The following PMFBP1 variants were observed in gnomAD, a reference collection of about 807,000 sequenced individuals.
PMFBP1 encodes polyamine modulated factor 1 binding protein 1.
Under a neutral mutation model 137.8 loss-of-function variants are expected in PMFBP1, and 131 were observed. That is an observed-to-expected ratio of 0.95 (90% CI 0.82 to 1.10). The LOEUF is 1.10. Among genes scored for constraint, PMFBP1 ranks in the 50% least tolerant of loss-of-function variants. PMFBP1 has a pLI of 0.00. For synonymous variants in PMFBP1, 490 were observed against 450.4 expected (o/e 1.09, Z -1.11); for missense variants, 1,199 against 1,175.4 (o/e 1.02, Z -0.29).
chr16:72,156,470 A>C (rs1366364504), intron 3 of PMFBP1, among the ~76,000 whole-genome samples: 2 of 151,904 alleles, frequency 1.3e-5, no homozygotes, highest in African/African-American at 4.8e-5. Context: ...TACAAAAAAA[A>C]TTAGCCAGGC....
At chr16:72,121,497 G>C (rs1046055331) in intron 19 of PMFBP1, among the ~76,000 whole-genome samples, 1 of 152,220 alleles carries the variant, frequency 6.6e-6, no homozygotes, top group Non-Finnish European at 1.5e-5. Flanking sequence ...GCCTAGAATA[G>C]GGCTTTCCAC....
At position 72,140,445 on chromosome 16, in the gene PMFBP1, T is replaced by C; in HGVS notation, c.774A>G (p.Glu258=). ...KVSQQDDLIQ[E]LRNKLACSNA... is the part of the protein sequence containing the mutation. Reference sequence around the variant, plus strand: ...TACTGCAGGCCAGCTTATTTCGAAGTTCTTGAATGAGATCATCCTGTTGAG... The same window carrying C: ...TACTGCAGGCCAGCTTATTTCGAAGCTCTTGAATGAGATCATCCTGTTGAG... Residue 258 remains glutamate, a synonymous_variant, in exon 6 of 21, where the codon GAA becomes GAG. Coordinates refer to ENST00000237353, the MANE Select transcript of PMFBP1 (RefSeq NM_031293.3). The C allele has an allele frequency of 6.2e-7, 1 of 1,614,090 alleles. No homozygotes were observed. Among genetic ancestry groups the C allele is most frequent in the Non-Finnish European group, 8.5e-7 (1 of 1,179,942 alleles).
At position 72,123,575 on chromosome 16, in the gene PMFBP1, G is replaced by C. The variant is rs771216983; in HGVS notation, c.2664C>G (p.Thr888=). ...GCTGTTTTGCCCATTGCTCCAAGTT[G>C]GTCATAATCTGATCATTCCCTCGGT... ...RLYRGNDQIM[T]NLEQWAKQQK... Residue 888 remains threonine (T), a synonymous_variant, in exon 18 of 21, where the codon ACC becomes ACG. Coordinates refer to ENST00000237353, the MANE Select transcript of PMFBP1 (RefSeq NM_031293.3). 4 of 1,614,080 alleles carry C rather than the reference G, an allele frequency of 2.5e-6. No individual in the cohort carries two copies. Among genetic ancestry groups the C allele is most frequent in the Non-Finnish European group, 3.4e-6 (4 of 1,179,968 alleles).
At chr16:72,240,443 C>G in the PMFBP1 span, among the ~76,000 whole-genome samples, 1 of 152,244 alleles carries the variant, frequency 6.6e-6, no homozygotes, top group Non-Finnish European at 1.5e-5. Context: ...ATTCTGCCTT[C>G]TAATAGAATT....
At chr16:72,172,334 C>T (rs2043230049), upstream of PMFBP1, 1 of 151,658 alleles carries the variant, frequency 6.6e-6, no homozygotes, top group Non-Finnish European at 1.5e-5. Context: ...GTCTCAGTGG[C>T]TTACGACCGT....
rs1597463047 is a variant in PMFBP1 at position 72,130,067 on chromosome 16, C to T, written c.1782+146G>A. On this transcript the variant is annotated intron_variant, in intron 12 of 20. Transcript: ENST00000237353. Reference sequence around the variant, plus strand: ...GCAGGGTCTTGCTATGTTGCCTAGGCTGGTCTGGAACCCCTGGGCTCAAGT... The same window carrying T: ...GCAGGGTCTTGCTATGTTGCCTAGGTTGGTCTGGAACCCCTGGGCTCAAGT... 4.2e-6 allele frequency: 4 copies of T among 962,316 alleles called. No homozygotes were observed. The East Asian group carries it at 9.9e-5, about 24-fold the overall frequency. 59.6% of individuals were successfully genotyped at this position (962,316 alleles called of 1,614,324 possible). A position where few individuals can be genotyped will look rare whatever the true frequency, so the allele number is the denominator to read the frequency against.
the PMFBP1 span, among the ~76,000 whole-genome samples, chr16:72,198,014 C>T: frequency 2.0e-5 from 3 of 152,150 alleles, no homozygotes; most frequent in Non-Finnish European, 4.4e-5. Context: ...AATCATTCTT[C>T]GTTGGGGGCA....
At chr16:72,143,016 G>A (rs2042746232) in intron 5 of PMFBP1, among the ~76,000 whole-genome samples, 1 of 151,706 alleles carries the variant, frequency 6.6e-6, no homozygotes, top group Admixed American at 6.6e-5. Context: ...GATCAAATAG[G>A]GTTTATTCCA....
upstream of PMFBP1, among the ~76,000 whole-genome samples, chr16:72,176,612 GGTGT>G (rs2043260310): frequency 6.6e-6 from 1 of 152,152 alleles, no homozygotes; most frequent in Non-Finnish European, 1.5e-5. Context: ...CTTAATGCCT[GGTGT>G]TCCACCAGCC....
At chr16:72,154,553 C>T in intron 3 of PMFBP1, 94 bp from the exon 4 acceptor site, 1 of 1,359,510 alleles carries the variant, frequency 7.4e-7, no homozygotes, top group Non-Finnish European at 1.0e-6. Context: ...CAGTCATTCA[C>T]ATCCATCTAT....
chr16:72,235,513 T>C, the PMFBP1 span, among the ~76,000 whole-genome samples: 1 of 151,816 alleles, frequency 6.6e-6, no homozygotes, highest in Non-Finnish European at 1.5e-5. Context: ...TTTTTTGCAT[T>C]TCTGTATGCA....
chr16:72,134,328 G>T (rs1485454143), intron 9 of PMFBP1, among the ~76,000 whole-genome samples: 1 of 152,094 alleles, frequency 6.6e-6, no homozygotes, highest in Non-Finnish European at 1.5e-5. Context: ...GACTGCAGGG[G>T]TGTGCCACCA....
intron 7 of PMFBP1, among the ~76,000 whole-genome samples, chr16:72,138,667 C>G (rs2042669822): frequency 1.3e-5 from 2 of 152,042 alleles, no homozygotes; most frequent in East Asian, 1.9e-4. Flanking sequence ...AGGTACCCAC[C>G]ACCACACCTG....
rs180705575 is a variant in PMFBP1 at position 72,120,543 on chromosome 16, C to T, written c.2769-454G>A. 6.0e-4 allele frequency among the ~76,000 whole-genome samples: 91 copies of T among 152,368 alleles called. No homozygotes were observed. The East Asian group carries it at 0.016, about 27-fold the overall frequency. On this transcript the variant is annotated intron_variant, in intron 19 of 20. Coordinates refer to ENST00000237353, the MANE Select transcript of PMFBP1 (RefSeq NM_031293.3). ...AATGCCAAAGCCCGCATTCTCTCCG[C>T]TCCCCTTTGCTGAAGAGTCGGGAGC...
intron 7 of PMFBP1, 98 bp downstream of exon 7, chr16:72,139,191 T>C (rs937613366): frequency 4.7e-6 from 4 of 857,912 alleles, no homozygotes; most frequent in Non-Finnish European, 7.3e-6. Flanking sequence ...AAATAAAATA[T>C]AAATTGTCAT....
chr16:72,196,273 A>G, the PMFBP1 span, among the ~76,000 whole-genome samples: 2 of 152,092 alleles, frequency 1.3e-5, no homozygotes, highest in Non-Finnish European at 2.9e-5. Flanking sequence ...ATTCCTTCAA[A>G]GAGTTGGGTG....
chr16:72,135,359 G>GTGT (rs2042609174), intron 9 of PMFBP1, among the ~76,000 whole-genome samples: 1 of 131,436 alleles, frequency 7.6e-6, no homozygotes, highest in South Asian at 2.4e-4. Context: ...GTGTGTGTGT[G>GTGT]TTTTTTTTTT....
the PMFBP1 span, among the ~76,000 whole-genome samples, chr16:72,200,335 G>A: frequency 6.6e-5 from 10 of 152,232 alleles, no homozygotes; most frequent in African/African-American, 2.4e-4. Flanking sequence ...ATCAAAATTG[G>A]TTTGATTTAT....
intron 13 of PMFBP1, 101 bp from the exon 14 acceptor site, chr16:72,128,895 C>T: frequency 1.9e-6 from 3 of 1,541,388 alleles, no homozygotes; most frequent in Non-Finnish European, 1.8e-6. Flanking sequence ...TCTATCTCCA[C>T]CCTGCGGGAG....
Sources: gnomAD v4.1 joint callset for allele counts (sites outside exome capture counted in the v4.1 genomes callset) on GRCh38, gnomAD v4.1.1 for gene constraint, MANE v1.5 for transcripts, NCBI Gene and HGNC (gene_info 2026-07-23, HGNC 2026-07-21) for gene names.